IPO9: variants seen among roughly 807,000 people sequenced by gnomAD.
The protein encoded by IPO9 is importin 9, also known as importin-9.
A neutral mutation model predicts 128.6 loss-of-function variants in IPO9; 28 were observed. The observed-to-expected ratio is 0.22, with a 90% CI of 0.16 to 0.30. The LOEUF (loss-of-function observed/expected upper bound fraction) is 0.30. Among genes scored for constraint, IPO9 ranks in the 10% least tolerant of loss-of-function variants. The probability of loss-of-function intolerance (pLI) is 1.00; values close to 1 mark genes in which losing one functional copy is unlikely to be tolerated. For missense variants in IPO9, 935 were observed against 1,293.9 expected (o/e 0.72, Z 4.26); for synonymous variants, 455 against 475.8 (o/e 0.96, Z 0.57).
In IPO9 at chr1:201,878,263, C is replaced by T. The variant is rs1680813652; in HGVS notation, c.*2209C>T. The T allele has an allele frequency of 6.6e-6, 1 of 152,398 alleles. No homozygotes were observed. Among genetic ancestry groups the T allele is most frequent in the Non-Finnish European group, 1.5e-5 (1 of 68,068 alleles). The allele number at this position is 152,398 out of a possible 1,614,324, so 9.4% of individuals were successfully genotyped here. A position where few individuals can be genotyped will look rare whatever the true frequency, so the allele number is the denominator to read the frequency against. On this transcript the variant is annotated 3_prime_UTR_variant, in exon 24 of 24. Coordinates refer to ENST00000361565, the MANE Select transcript of IPO9 (RefSeq NM_018085.5). The stretch of plus-strand genomic sequence containing the variant: ...AAACCACCCTCGGCCTTGCAGACTC[C>T]ATAGTTTATCTCAAGGCAGTGCCAG...
rs189207466 is a variant in IPO9, at chr1:201,845,296, G to A, written c.164-1983G>A. Among the ~76,000 whole-genome samples the A allele has an allele frequency of 5.3e-5, 8 of 152,270 alleles. No individual in the cohort carries two copies. In the East Asian group the frequency reaches 5.8e-4, roughly 11 times the overall value. On this transcript the variant is annotated intron_variant, in intron 1 of 23. Coordinates refer to ENST00000361565, the MANE Select transcript of IPO9 (RefSeq NM_018085.5). ...CTCTCAAAGTTCTGGGATTACAGGCGTGAGCCACCTTTCCCGGCCCTGATA... is the reference window on the plus strand; with the variant it reads ...CTCTCAAAGTTCTGGGATTACAGGCATGAGCCACCTTTCCCGGCCCTGATA...
chr1:201,854,885 G>A lies in IPO9; in HGVS notation c.873G>A (p.Leu291=). 6.2e-7 allele frequency: 1 copy of A among 1,610,904 alleles called. No individual in the cohort carries two copies. Among genetic ancestry groups the A allele is most frequent in the Non-Finnish European group, 8.5e-7 (1 of 1,179,112 alleles). ...KHMVSSMQQI[L]PIVWNTLTES... ...TGGTGTCCTCCATGCAGCAGATTCT[G>A]CCTATTGTTTGGAACACCCTAACCG... Residue 291 remains leucine, a synonymous_variant, in exon 8 of 24, where the codon CTG becomes CTA. Coordinates refer to ENST00000361565, the MANE Select transcript of IPO9 (RefSeq NM_018085.5).
chr1:201,829,165 G>C lies in IPO9; in HGVS notation c.-45G>C. On this transcript the variant is annotated 5_prime_UTR_variant, in exon 1 of 24. Transcript: ENST00000361565. ...GGCCGCGCGCGGGGGCCGTCATTCG[G>C]TGGCGGGTCCCGGCCGCGGGGCTGG... 1 of 1,423,254 alleles carries C rather than the reference G, an allele frequency of 7.0e-7. No homozygotes were observed. The highest frequency in any genetic ancestry group is 9.2e-7 in the Non-Finnish European group (1 of 1,091,238). 88.2% of individuals were successfully genotyped at this position (1,423,254 alleles called of 1,614,324 possible).
chr1:201,861,306 T>G (rs1680442490), intron 13 of IPO9, among the ~76,000 whole-genome samples: 1 of 152,238 alleles, frequency 6.6e-6, no homozygotes, highest in African/African-American at 2.4e-5. Flanking sequence ...TGGTTGGACT[T>G]ATGATTTTTC....
intron 3 of IPO9, 105 bp downstream of exon 3, chr1:201,847,743 C>G (rs1277609276): frequency 1.2e-6 from 1 of 805,214 alleles, no homozygotes; most frequent in African/African-American, 1.7e-5. Context: ...AAAGACTAGG[C>G]AGAAAAGGAG....
chr1:201,830,598 G>A (rs1679815886), intron 1 of IPO9, among the ~76,000 whole-genome samples: 1 of 152,244 alleles, frequency 6.6e-6, no homozygotes, highest in African/African-American at 2.4e-5. Flanking sequence ...GGAGAAAGCT[G>A]TTTGAGAACC....
chr1:201,857,265 C>T, intron 11 of IPO9, 71 bp downstream of exon 11: 1 of 1,021,164 alleles, frequency 9.8e-7, no homozygotes, highest in Non-Finnish European at 1.5e-6. Context: ...TTTTTGTAGA[C>T]AACTAATCCA....
intron 1 of IPO9, among the ~76,000 whole-genome samples, chr1:201,836,074 TGCACTCCA>T (rs1256140117): frequency 2.4e-5 from 3 of 125,070 alleles, no homozygotes; most frequent in African/African-American, 9.3e-5. Flanking sequence ...ATCACACCAC[TGCACTCCA>T]GCCCTCCAGC....
rs776526612 is a variant in IPO9, at chr1:201,855,189, A to T, written c.970+7A>T. 3.2e-6 allele frequency: 5 copies of T among 1,565,972 alleles called. No individual in the cohort carries two copies. The Admixed American group carries it at 8.4e-5, about 26-fold the overall frequency. Reference sequence around the variant, plus strand: ...GATCCTGTGGATTCTGATGGTATGTAGTTTATTTGATCTTTATAGAAATAC... The same window carrying T: ...GATCCTGTGGATTCTGATGGTATGTTGTTTATTTGATCTTTATAGAAATAC... On this transcript the variant is annotated splice_region_variant and intron_variant, in intron 9 of 23. Coordinates refer to ENST00000361565, the MANE Select transcript of IPO9 (RefSeq NM_018085.5).
intron 5 of IPO9, 35 bp downstream of exon 5, chr1:201,852,227 C>A: frequency 1.4e-6 from 2 of 1,386,842 alleles, no homozygotes; most frequent in South Asian, 2.3e-5. Context: ...ATAGTGAGTT[C>A]AGGCTCTCTT....
rs767934513 is a variant in IPO9 at position 201,876,008 on chromosome 1, A to G, written c.3080A>G (p.His1027Arg). Residue 1027 changes from histidine (H) to arginine (R), a missense_variant, in exon 24 of 24, where the codon CAC becomes CGC. This residue lies in a region of IPO9 where 188 missense variants were observed against 246.7 expected (regional missense o/e 0.76). Transcript: ENST00000361565. ...QQPCYIMFSG[H>R]LNDNERRVLQ... ...CCCTGCTACATAATGTTTTCAGGCC[A>G]CCTTAATGACAATGAGAGGCGAGTT... 3.1e-6 allele frequency: 5 copies of G among 1,613,868 alleles called. No individual in the cohort carries two copies. Among genetic ancestry groups the G allele is most frequent in the Non-Finnish European group, 4.2e-6 (5 of 1,179,858 alleles).
intron 16 of IPO9, 114 bp downstream of exon 16, chr1:201,868,910 G>A: frequency 7.3e-7 from 1 of 1,373,114 alleles, no homozygotes; most frequent in Non-Finnish European, 9.5e-7. Flanking sequence ...GGGTGATTTT[G>A]CTGAGCTCTT....
intron 23 of IPO9, among the ~76,000 whole-genome samples, chr1:201,875,498 G>A (rs1342406652): frequency 6.6e-6 from 1 of 151,952 alleles, no homozygotes. Context: ...GCTGAGGTGG[G>A]AGGATCGCTT....
Position 201,876,547 on chromosome 1 carries a change from G to A in IPO9, c.*493G>A, listed in dbSNP as rs1680768679. ...GACCACTGCTGCTCTGGGTTCTCAG[G>A]AGGAACAGGCAAGAGCAGCTTCATT... On this transcript the variant is annotated 3_prime_UTR_variant, in exon 24 of 24. Transcript: ENST00000361565. 1 of 216,056 alleles carries A rather than the reference G, an allele frequency of 4.6e-6. No individual in the cohort carries two copies. Among genetic ancestry groups the A allele is most frequent in the Non-Finnish European group, 9.5e-6 (1 of 104,950 alleles). 13.4% of individuals were successfully genotyped at this position (216,056 alleles called of 1,614,324 possible). A position where few individuals can be genotyped will look rare whatever the true frequency, so the allele number is the denominator to read the frequency against.
At chr1:201,856,004 G>C in intron 10 of IPO9, 70 bp downstream of exon 10, 1 of 1,169,342 alleles carries the variant, frequency 8.6e-7, no homozygotes, top group Non-Finnish European at 1.2e-6. Context: ...ATGAGGTCTT[G>C]GTCAGGTGAA....
chr1:201,857,263 G>C (rs1680346111), intron 11 of IPO9, 69 bp downstream of exon 11: 1 of 1,055,344 alleles, frequency 9.5e-7, no homozygotes, highest in African/African-American at 1.6e-5. Flanking sequence ...CTTTTTTGTA[G>C]ACAACTAATC....
rs900764585 is a variant in IPO9 at position 201,853,154 on chromosome 1, G to A, written c.690+57G>A. On this transcript the variant is annotated intron_variant, in intron 6 of 23. Coordinates refer to ENST00000361565, the MANE Select transcript of IPO9 (RefSeq NM_018085.5). ...CATGCTTAAAAGTTTTATTCATGCA[G>A]AGCAGTGAGTCATTTCATGATAGCA... is the stretch of plus-strand genomic sequence containing the variant. 3.7e-6 allele frequency: 5 copies of A among 1,358,298 alleles called. No individual in the cohort carries two copies. The African/African-American group carries it at 7.1e-5, about 19-fold the overall frequency. 84.1% of individuals were successfully genotyped at this position (1,358,298 alleles called of 1,614,324 possible). A position where few individuals can be genotyped will look rare whatever the true frequency, so the allele number is the denominator to read the frequency against.
intron 6 of IPO9, among the ~76,000 whole-genome samples, chr1:201,853,950 A>T (rs1680271630): frequency 6.6e-6 from 1 of 152,014 alleles, no homozygotes; most frequent in South Asian, 2.1e-4. Context: ...GTTGGCCAGG[A>T]TGGTCTCAAT....
intron 20 of IPO9, among the ~76,000 whole-genome samples, chr1:201,873,490 G>A (rs1680700085): frequency 6.7e-6 from 1 of 149,028 alleles, no homozygotes; most frequent in African/African-American, 2.5e-5. Context: ...GCTCACACCT[G>A]TAATCCCAGC....
Sources: allele counts gnomAD v4.1 joint callset (sites outside exome capture counted in the v4.1 genomes callset), GRCh38; gene constraint gnomAD v4.1.1; regional missense constraint gnomAD v4.1.1; transcripts MANE v1.5; gene names NCBI Gene and HGNC (gene_info 2026-07-23, HGNC 2026-07-21).